Variants in LRRC63 observed in about 807,000 individuals in gnomAD.
LRRC63 encodes leucine rich repeat containing 63.
A neutral mutation model predicts 49.5 loss-of-function variants in LRRC63; 40 were observed. The ratio of observed to expected loss-of-function variants is 0.81; its 90% CI spans 0.63 to 1.05. LRRC63 has a LOEUF of 1.05. Among genes scored for constraint, LRRC63 ranks in the 50% least tolerant of loss-of-function variants. The probability of loss-of-function intolerance (pLI) is 0.00; values close to 1 mark genes in which losing one functional copy is unlikely to be tolerated. For synonymous variants in LRRC63, 191 were observed against 221.1 expected (o/e 0.86, Z 1.21); for missense variants, 636 against 663.1 (o/e 0.96, Z 0.45).
chr13:46,256,301 A>G (rs1463689621), intron 7 of LRRC63, among the ~76,000 whole-genome samples: 2 of 152,210 alleles, frequency 1.3e-5, no homozygotes, highest in African/African-American at 2.4e-5. Context: ...ATGGGCAGGA[A>G]ACAGCTGAAT....
chr13:46,276,513 C>T, intron 9 of LRRC63, 77 bp from the exon 10 acceptor site: 2 of 648,400 alleles, frequency 3.1e-6, no homozygotes, highest in Non-Finnish European at 4.4e-6. Context: ...GTATTTTATA[C>T]TATTTGGAGT....
intron 4 of LRRC63, among the ~76,000 whole-genome samples, chr13:46,231,450 A>G (rs1321813002): frequency 1.3e-5 from 2 of 152,166 alleles, no homozygotes; most frequent in African/African-American, 4.8e-5. Context: ...GAGCAGGTAT[A>G]TCACACCACT....
intron 6 of LRRC63, among the ~76,000 whole-genome samples, chr13:46,247,030 G>A (rs920373092): frequency 1.3e-5 from 2 of 152,132 alleles, no homozygotes; most frequent in South Asian, 2.1e-4. Flanking sequence ...TTAATAAAAT[G>A]TATGAAGGAT....
At chr13:46,227,931 C>A (rs1387363842) in exon 3 of LRRC63, 14 of 1,550,606 alleles carry the variant, frequency 9.0e-6, no homozygotes, top group Non-Finnish European at 1.2e-5. Flanking sequence ...AGTTATCGCT[C>A]AAAAACTTGA....
chr13:46,266,880 A>G, exon 9 of LRRC63: 1 of 1,548,980 alleles, frequency 6.5e-7, no homozygotes, highest in Non-Finnish European at 8.7e-7. Flanking sequence ...ATCCACAACA[A>G]CTTACTCAAA....
intron 4 of LRRC63, among the ~76,000 whole-genome samples, chr13:46,231,815 CTT>C (rs1295050179): frequency 2.2e-4 from 29 of 133,412 alleles, no homozygotes; most frequent in African/African-American, 4.0e-4. Flanking sequence ...CTGCCACACA[CTT>C]TTTTTTTTTT....
Position 46,266,655 on chromosome 13 carries a change from G to A in LRRC63, c.1311-78G>A, listed in dbSNP as rs568160082. The stretch of plus-strand genomic sequence containing the variant: ...GTACTAGTTTGATGCCAATTTTCAT[G>A]AACAATTGAGGCAGAATTTTACTTT... On this transcript the variant is annotated intron_variant, in intron 8 of 9. Coordinates refer to ENST00000595396, the Ensembl canonical transcript of LRRC63. 6 of 1,257,158 alleles carry A rather than the reference G, an allele frequency of 4.8e-6. No individual in the cohort carries two copies. The East Asian group carries it at 1.3e-4, about 27-fold the overall frequency. The allele number at this position is 1,257,158 out of a possible 1,614,324, so 77.9% of individuals were successfully genotyped here. A position where few individuals can be genotyped will look rare whatever the true frequency, so the allele number is the denominator to read the frequency against.
At position 46,246,585 on chromosome 13, in the gene LRRC63, T is replaced by C. The variant is rs968911589; in HGVS notation, c.1049T>C (p.Leu350Pro). The C allele has an allele frequency of 1.4e-5, 21 of 1,474,290 alleles. No individual in the cohort carries two copies. In the Admixed American group the frequency reaches 2.8e-4, roughly 20 times the overall value. 91.3% of individuals were successfully genotyped at this position (1,474,290 alleles called of 1,614,324 possible). ...CCTTTGGCTTTCCAGTTGATATATCTTAATTTATCATTTAATGATCTTCAT... is the reference window on the plus strand; with the variant it reads ...CCTTTGGCTTTCCAGTTGATATATCCTAATTTATCATTTAATGATCTTCAT... The change falls in exon 6 of 10, where the codon CTT becomes CCT. Residue 350 changes from leucine (L) to proline (P), a missense_variant. Coordinates refer to ENST00000595396, the Ensembl canonical transcript of LRRC63.
At chr13:46,238,482 G>A (rs1015500535) in intron 5 of LRRC63, among the ~76,000 whole-genome samples, 16 of 147,480 alleles carry the variant, frequency 1.1e-4, no homozygotes, top group African/African-American at 3.8e-4. Context: ...AAAAAAAAGA[G>A]GTTTAATGGA....
rs75973281 is a variant in LRRC63 at position 46,221,593 on chromosome 13, C to G, written c.86-5919C>G. Among the ~76,000 whole-genome samples, 344 of 152,098 alleles carry G rather than the reference C, an allele frequency of 2.3e-3. 3 individuals are homozygous for G. The highest frequency in any genetic ancestry group is 7.9e-3 in the African/African-American group (327 of 41,504). On this transcript the variant is annotated intron_variant, in intron 2 of 9. Coordinates refer to ENST00000595396, the Ensembl canonical transcript of LRRC63. ...AAAACTTTTTTTAATTTTTATTTTC[C>G]CATTTTGTTTTCATGACATTGGGTT...
chr13:46,225,605 AAT>A (rs2138393074), intron 2 of LRRC63, among the ~76,000 whole-genome samples: 1 of 152,312 alleles, frequency 6.6e-6, no homozygotes, highest in South Asian at 2.1e-4. Context: ...TTGCTGTGTT[AAT>A]GTGTTTTGTT....
intron 9 of LRRC63, among the ~76,000 whole-genome samples, chr13:46,274,715 T>A (rs918931115): frequency 1.3e-5 from 2 of 152,228 alleles, no homozygotes; most frequent in African/African-American, 2.4e-5. Flanking sequence ...TTTTTATTTT[T>A]TTCTTTTATT....
intron 6 of LRRC63, 135 bp from the exon 7 acceptor site, chr13:46,250,220 T>G: frequency 9.5e-6 from 7 of 734,010 alleles, no homozygotes; most frequent in Non-Finnish European, 1.3e-5. Context: ...GGGTGTTTAC[T>G]GAGTTACATG....
chr13:46,258,975 T>C (rs1464559697), intron 7 of LRRC63, among the ~76,000 whole-genome samples: 1 of 152,122 alleles, frequency 6.6e-6, no homozygotes, highest in African/African-American at 2.4e-5. Flanking sequence ...AATTAGAAGT[T>C]AATAAAGAAA....
chr13:46,265,485 G>T (rs1232104818), intron 8 of LRRC63, among the ~76,000 whole-genome samples: 3 of 152,190 alleles, frequency 2.0e-5, no homozygotes, highest in Non-Finnish European at 2.9e-5. Context: ...TGTCTGGTGA[G>T]GGCCCACTTC....
At chr13:46,250,958 C>A (rs532069006) in intron 7 of LRRC63, among the ~76,000 whole-genome samples, 4 of 151,976 alleles carry the variant, frequency 2.6e-5, no homozygotes, top group African/African-American at 9.6e-5. Flanking sequence ...ATATCTAAGA[C>A]CCTTTCAACT....
At chr13:46,246,677 T>C in intron 6 of LRRC63, 52 bp downstream of exon 6, 1 of 822,458 alleles carries the variant, frequency 1.2e-6, no homozygotes, top group Non-Finnish European at 1.7e-6. Context: ...TGAATAATAA[T>C]TATAATAAAA....
At chr13:46,217,108 A>G (rs907592978) in intron 2 of LRRC63, among the ~76,000 whole-genome samples, 2 of 152,196 alleles carry the variant, frequency 1.3e-5, no homozygotes, top group African/African-American at 4.8e-5. Context: ...TGGTATCAAG[A>G]TGAAGCTAGC....
intron 2 of LRRC63, among the ~76,000 whole-genome samples, chr13:46,223,060 G>A (rs2046452976): frequency 8.4e-6 from 1 of 119,668 alleles, no homozygotes; most frequent in Non-Finnish European, 1.7e-5. Context: ...GGGGACTGTT[G>A]TGGGGTGGGG....
Sources: allele counts gnomAD v4.1 joint callset (sites outside exome capture counted in the v4.1 genomes callset), GRCh38; gene constraint gnomAD v4.1.1; transcripts MANE v1.5; gene names NCBI Gene and HGNC (gene_info 2026-07-23, HGNC 2026-07-21).